Variants in MTMR8 observed in about 807,000 individuals in gnomAD.
MTMR8 encodes phosphatidylinositol-3,5-bisphosphate 3-phosphatase MTMR8.
MTMR8 carries 65 observed loss-of-function variants against 39.3 expected under a neutral mutation model. That is an observed-to-expected ratio of 1.65 (90% confidence interval 1.35 to 2.03). MTMR8 has a LOEUF of 2.03. MTMR8 is among the 30% of genes most tolerant of loss of function. MTMR8 has a pLI of 0.00. For synonymous variants in MTMR8, 245 were observed against 185.2 expected, an observed-to-expected ratio of 1.32 and a Z score of -2.62; for missense variants, 777 against 538.9, an observed-to-expected ratio of 1.44 and a Z score of -4.37.
At chrX:64,277,910 G>C (rs1312821811) in intron 12 of MTMR8, among the ~76,000 whole-genome samples, 3 of 109,951 alleles carry the variant, frequency 2.7e-5, no homozygotes. Context: ...ATATTTCTTG[G>C]AGGCTTTGTT....
At position 64,305,868 on chromosome X, in the gene MTMR8, C is replaced by T. The variant is rs776751623; in HGVS notation, c.1481+22904G>A. ...TGGTGGCTCACACTTGGAATGCTAG[C>T]ACTTTGGGAGGCTGAGGCAGGAGGA... On this transcript the variant is annotated intron_variant, in intron 12 of 13. Coordinates refer to ENST00000374852, the MANE Select transcript of MTMR8 (RefSeq NM_017677.4). 3 of 271,837 alleles carry T rather than the reference C, an allele frequency of 1.1e-5. No homozygotes were observed. In the South Asian group the frequency reaches 1.7e-4, roughly 15 times the overall value. 22.4% of individuals were successfully genotyped at this position (271,837 alleles called of 1,213,427 possible). A position where few individuals can be genotyped will look rare whatever the true frequency, so the allele number is the denominator to read the frequency against.
chrX:64,343,531 T>A (rs1923268466), intron 8 of MTMR8, 80 bp downstream of exon 8: 1 of 589,810 alleles, frequency 1.7e-6, no homozygotes, highest in Non-Finnish European at 2.7e-6. Context: ...TTTTCAATAT[T>A]CTTTCCACCA....
At chrX:64,385,388 C>T (rs755308651) in intron 1 of MTMR8, among the ~76,000 whole-genome samples, 7 of 111,996 alleles carry the variant, frequency 6.3e-5, no homozygotes, top group Non-Finnish European at 1.1e-4. Flanking sequence ...CCAACCTCTG[C>T]CCATGACCCA....
chrX:64,375,465 A>G (rs1924245053), intron 1 of MTMR8, among the ~76,000 whole-genome samples: 1 of 112,125 alleles, frequency 8.9e-6, no homozygotes, highest in African/African-American at 3.2e-5. Flanking sequence ...CAGAGCAAGG[A>G]AAGTTATCAG....
chrX:64,282,721 C>T (rs1246685728), intron 12 of MTMR8, among the ~76,000 whole-genome samples: 1 of 110,828 alleles, frequency 9.0e-6, no homozygotes, highest in African/African-American at 3.3e-5. Context: ...ATAAATTGGG[C>T]TACATCAAAA....
chrX:64,366,059 T>C (rs1179214553), intron 1 of MTMR8, among the ~76,000 whole-genome samples: 3 of 111,588 alleles, frequency 2.7e-5, no homozygotes, highest in Admixed American at 9.5e-5. Flanking sequence ...AGAAGAACTA[T>C]CTTAAATATA....
Position 64,323,822 on chromosome X carries a change from T to A in MTMR8, c.1481+4950A>T, listed in dbSNP as rs755866613. Among the ~76,000 whole-genome samples, 51 of 111,682 alleles carry A rather than the reference T, an allele frequency of 4.6e-4. No homozygotes were observed. In the South Asian group the frequency reaches 0.013, roughly 28 times the overall value. On this transcript the variant is annotated intron_variant, in intron 12 of 13. Coordinates refer to ENST00000374852, the MANE Select transcript of MTMR8 (RefSeq NM_017677.4). ...AACATGCTCTTATATGACCAACAGG[T>A]CAATGAAGAAATTAAAAGGAAGTCT...
intron 10 of MTMR8, among the ~76,000 whole-genome samples, chrX:64,332,582 A>G (rs1295645843): frequency 2.7e-5 from 3 of 111,783 alleles, no homozygotes; most frequent in Non-Finnish European, 5.6e-5. Flanking sequence ...TCATGCCCTT[A>G]AGAACACTTC....
At chrX:64,390,968 C>A (rs1161678962) in intron 1 of MTMR8, among the ~76,000 whole-genome samples, 2 of 112,372 alleles carry the variant, frequency 1.8e-5, no homozygotes, top group Non-Finnish European at 3.8e-5. Flanking sequence ...CAAATTCACT[C>A]TTTTAAGTAT....
intron 13 of MTMR8, 134 bp from the exon 14 acceptor site, chrX:64,269,177 C>T: frequency 1.7e-6 from 1 of 584,318 alleles, no homozygotes. Flanking sequence ...CACCCCCTCC[C>T]CCACAACATC....
intron 10 of MTMR8, 151 bp from the exon 11 acceptor site, chrX:64,331,908 A>T (rs1922953061): frequency 2.1e-6 from 1 of 474,013 alleles, no homozygotes; most frequent in South Asian, 3.4e-5. Flanking sequence ...TCTCAAAGCT[A>T]GTCAATCCCA....
intron 1 of MTMR8, among the ~76,000 whole-genome samples, chrX:64,383,375 ATT>A (rs2147247057): frequency 9.1e-6 from 1 of 109,358 alleles, no homozygotes; most frequent in African/African-American, 3.3e-5. Flanking sequence ...ATATGATATA[ATT>A]TATAATTATA....
At chrX:64,384,211 T>C (rs1408494077) in intron 1 of MTMR8, among the ~76,000 whole-genome samples, 2 of 111,856 alleles carry the variant, frequency 1.8e-5, no homozygotes, top group Non-Finnish European at 3.8e-5. Context: ...CTGTGAGGGG[T>C]GGACTCTGAA....
At chrX:64,302,454 C>A (rs946826718) in intron 12 of MTMR8, among the ~76,000 whole-genome samples, 3 of 112,089 alleles carry the variant, frequency 2.7e-5, no homozygotes, top group Non-Finnish European at 5.6e-5. Context: ...CACTGGCCTG[C>A]GCCCACTGTC....
At chrX:64,379,605 C>T (rs953577744) in intron 1 of MTMR8, among the ~76,000 whole-genome samples, 5 of 111,163 alleles carry the variant, frequency 4.5e-5, no homozygotes, top group African/African-American at 1.6e-4. Flanking sequence ...CATCAGCTAC[C>T]CAATATGCAT....
intron 12 of MTMR8, among the ~76,000 whole-genome samples, chrX:64,285,165 T>A (rs1480271471): frequency 2.7e-5 from 3 of 111,120 alleles, no homozygotes; most frequent in Non-Finnish European, 5.7e-5. Flanking sequence ...AAGGCAGGGT[T>A]TGCAATCCTA....
At chrX:64,290,601 A>C (rs1170144415) in intron 12 of MTMR8, among the ~76,000 whole-genome samples, 2 of 107,582 alleles carry the variant, frequency 1.9e-5, no homozygotes, top group African/African-American at 6.8e-5. Context: ...AGCCACACCC[A>C]CCTCCCCCTC....
chrX:64,382,843 A>T (rs994188346), intron 1 of MTMR8, among the ~76,000 whole-genome samples: 2 of 111,618 alleles, frequency 1.8e-5, no homozygotes, highest in African/African-American at 6.5e-5. Context: ...TTGGAATTGG[A>T]GAAGTTTAAG....
intron 8 of MTMR8, among the ~76,000 whole-genome samples, chrX:64,337,730 A>T (rs898439005): frequency 7.1e-5 from 8 of 112,060 alleles, no homozygotes; most frequent in Admixed American, 5.7e-4. Context: ...ATTCACACTC[A>T]AAAACACAGA....
Sources: allele counts gnomAD v4.1 joint callset (sites outside exome capture counted in the v4.1 genomes callset), GRCh38; gene constraint gnomAD v4.1.1; transcripts MANE v1.5; gene names NCBI Gene and HGNC (gene_info 2026-07-23, HGNC 2026-07-21).